The following PLOD1 variants were observed in gnomAD, a reference collection of about 807,000 sequenced individuals.
The protein encoded by PLOD1 is lysine hydroxylase.
A neutral mutation model predicts 94.7 loss-of-function variants in PLOD1; 70 were observed. The ratio of observed to expected loss-of-function variants is 0.74; its 90% CI spans 0.61 to 0.90. PLOD1 has a LOEUF of 0.90. Among genes scored for constraint, PLOD1 ranks in the 40% least tolerant of loss-of-function variants. The pLI is 0.00. For synonymous variants in PLOD1, 417 were observed against 400.2 expected (o/e 1.04, Z -0.50); for missense variants, 905 against 972.7 (o/e 0.93, Z 0.93).
chr1:11,970,908 G>A, intron 17 of PLOD1, 92 bp downstream of exon 17: 4 of 1,104,776 alleles, frequency 3.6e-6, no homozygotes, highest in Non-Finnish European at 5.0e-6. Context: ...GGTGGGAGGT[G>A]GAGAAACTGG....
rs1645615549 is a variant in PLOD1 at position 11,941,547 on chromosome 1, C to T, written c.77-6429C>T. ...CCAGGCTAGAGTGCAATGGCACAATCTGGGCTCATTGCAACCTCTGCCTCC... is the reference window on the plus strand; with the variant it reads ...CCAGGCTAGAGTGCAATGGCACAATTTGGGCTCATTGCAACCTCTGCCTCC... On this transcript the variant is annotated intron_variant, in intron 1 of 18. Transcript: ENST00000196061. Among the ~76,000 whole-genome samples the T allele has an allele frequency of 4.6e-5, 7 of 152,184 alleles. No individual in the cohort carries two copies. In the South Asian group the frequency reaches 1.5e-3, roughly 32 times the overall value.
At chr1:11,945,695 CTTTATTTTTATTTATT>C (rs1171276487) in intron 1 of PLOD1, among the ~76,000 whole-genome samples, 20 of 152,048 alleles carry the variant, frequency 1.3e-4, no homozygotes, top group Admixed American at 1.3e-3. Flanking sequence ...AGTAATACCT[CTTTATTTTTATTTATT>C]TTTATTTTTA....
Position 11,970,815 on chromosome 1 carries a change from G to C in PLOD1, c.1901G>C (p.Arg634Thr), listed in dbSNP as rs1401089372. The C allele has an allele frequency of 1.2e-6, 2 of 1,607,666 alleles. No homozygotes were observed. The highest frequency in any genetic ancestry group is 1.7e-6 in the Non-Finnish European group (2 of 1,178,892). The change falls in exon 17 of 19, where the codon AGG becomes ACG. Residue 634 changes from arginine (R) to threonine (T), a missense_variant and splice_region_variant. Physicochemically the swap from Arg to Thr is moderately conservative, Grantham distance 71. Coordinates refer to ENST00000196061, the MANE Select transcript of PLOD1 (RefSeq NM_000302.4). ...AAGCTCTACCCCGGCTACTACACCA[G>C]GGTGGGCAAGCCTGGGGCATAGCCA... ...TEKLYPGYYT[R>T]AQFDLAFVVR...
In PLOD1 at chr1:11,960,767, C is replaced by T. The variant is rs377080927; in HGVS notation, c.1097C>T (p.Ala366Val). The T allele has an allele frequency of 1.1e-4, 175 of 1,612,846 alleles. No individual in the cohort carries two copies. Among genetic ancestry groups the T allele is most frequent in the Middle Eastern group, 5.4e-4 (3 of 5,560 alleles). Residue 366 changes from alanine to valine, a missense_variant and splice_region_variant, in exon 10 of 19, where the codon GCA (alanine) becomes GTA (valine). Transcript: ENST00000196061. Reference sequence around the variant, plus strand: ...AATGCAGATGCCAGGAACATGGGCGCGTGAGTTGTGGGCCACAGTACTCTC... The same window carrying T: ...AATGCAGATGCCAGGAACATGGGCGTGTGAGTTGTGGGCCACAGTACTCTC... Reference protein sequence around the residue: ...MANADARNMGADLCRQDRSCT... With the variant: ...MANADARNMGVDLCRQDRSCT...
In PLOD1 at chr1:11,957,377, C is replaced by T. The variant is rs191216722; in HGVS notation, c.741+363C>T. On this transcript the variant is annotated intron_variant, in intron 7 of 18. Coordinates refer to ENST00000196061, the MANE Select transcript of PLOD1 (RefSeq NM_000302.4). The surrounding 1 kb of genome is among the most constrained non-coding windows in gnomAD (Gnocchi z 4.1). ...CAGTAAGACATAGTCATAAGCAGGA[C>T]GGATGTCCTGCATTCATGGTGACAG... 5.8e-4 allele frequency among the ~76,000 whole-genome samples: 88 copies of T among 152,248 alleles called. No individual in the cohort carries two copies. The highest frequency in any genetic ancestry group is 5.2e-3 in the Admixed American group (79 of 15,294).
At position 11,944,359 on chromosome 1, in the gene PLOD1, C is replaced by A. The variant is rs113232254; in HGVS notation, c.77-3617C>A. Among the ~76,000 whole-genome samples the A allele has an allele frequency of 8.3e-3, 1,264 of 152,100 alleles. 6 individuals are homozygous for A. The highest frequency in any genetic ancestry group is 0.017 in the South Asian group (83 of 4,808). On this transcript the variant is annotated intron_variant, in intron 1 of 18. Transcript: ENST00000196061. ...GCCACGCCACCCCATCCCCTTCCCC[C>A]ACCCCTGCTGCTGGAGTTCAAGAGC...
intron 16 of PLOD1, 124 bp from the exon 17 acceptor site, chr1:11,970,546 A>T: frequency 5.6e-6 from 5 of 885,148 alleles, no homozygotes; most frequent in Non-Finnish European, 9.2e-6. Context: ...TGTATCTGCA[A>T]AGCCTGTTCA....
Position 11,970,657 on chromosome 1 carries a change from C to G in PLOD1, c.1756-13C>G. ...TAGAATTCTGCCTAAACATTCACCT[C>G]GGTCACCTCCAGGACAACCGCATCC... On this transcript the variant is annotated splice_polypyrimidine_tract_variant and intron_variant, in intron 16 of 18. Coordinates refer to ENST00000196061, the MANE Select transcript of PLOD1 (RefSeq NM_000302.4). The G allele has an allele frequency of 6.2e-7, 1 of 1,612,840 alleles. No individual in the cohort carries two copies. Among genetic ancestry groups the G allele is most frequent in the South Asian group, 1.1e-5 (1 of 91,036 alleles).
At chr1:11,954,435 G>A (rs1004909946) in intron 5 of PLOD1, 24 of 453,198 alleles carry the variant, frequency 5.3e-5, no homozygotes, top group Non-Finnish European at 7.3e-5. Flanking sequence ...GCAGTGAGTC[G>A]AGGTCGTGCC....
chr1:11,966,977 C>A lies in PLOD1; in HGVS notation c.1651-10C>A. ...GTGGACCCCCTTGACTGAGTCCCTG[C>A]CCTCCCCAGCCCTGCCCGGATGTCT... is the stretch of plus-strand genomic sequence containing the variant. On this transcript the variant is annotated splice_polypyrimidine_tract_variant and intron_variant, in intron 15 of 18. Transcript: ENST00000196061. 2 of 1,565,052 alleles carry A rather than the reference C, an allele frequency of 1.3e-6. No individual in the cohort carries two copies. Among genetic ancestry groups the A allele is most frequent in the African/African-American group, 1.3e-5 (1 of 74,084 alleles).
chr1:11,973,131 G>A (rs968266283), intron 18 of PLOD1, 134 bp downstream of exon 18: 6 of 915,048 alleles, frequency 6.6e-6, no homozygotes, highest in African/African-American at 3.3e-5. Flanking sequence ...AAAAGGATGT[G>A]GGTCTGTGGG....
chr1:11,941,731 G>A (rs1444297486), intron 1 of PLOD1, among the ~76,000 whole-genome samples: 4 of 152,134 alleles, frequency 2.6e-5, no homozygotes, highest in East Asian at 1.9e-4. Flanking sequence ...TGATCCGCCC[G>A]CCTAGGCCTC....
At chr1:11,964,915 G>C in intron 13 of PLOD1, 130 bp downstream of exon 13, 1 of 1,027,916 alleles carries the variant, frequency 9.7e-7, no homozygotes, top group Non-Finnish European at 1.5e-6. Flanking sequence ...TTCTAGCAGG[G>C]CATCTCGGAA....
chr1:11,937,857 A>T (rs1222331820), intron 1 of PLOD1, among the ~76,000 whole-genome samples: 1 of 151,412 alleles, frequency 6.6e-6, no homozygotes, highest in Non-Finnish European at 1.5e-5. Flanking sequence ...CCTGGGGCTA[A>T]TGTCAGGCCA....
Position 11,934,797 on chromosome 1 carries a change from A to G in PLOD1, c.18A>G (p.Leu6=), listed in dbSNP as rs1645566114. Residue 6 remains leucine, a synonymous_variant, in exon 1 of 19, where the codon CTA becomes CTG. Transcript: ENST00000196061. MRPLL[L]LALLGWLLLA... is the part of the protein sequence containing the mutation. Reference sequence around the variant, plus strand: ...CCTCGGCCATGCGGCCCCTGCTGCTACTGGCCCTGCTGGGCTGGCTGCTGC... The same window carrying G: ...CCTCGGCCATGCGGCCCCTGCTGCTGCTGGCCCTGCTGGGCTGGCTGCTGC... The G allele has an allele frequency of 2.6e-6, 4 of 1,540,300 alleles. No homozygotes were observed. The highest frequency in any genetic ancestry group is 2.4e-5 in the South Asian group (2 of 83,686).
chr1:11,964,883 G>A (rs996243697), intron 13 of PLOD1, 98 bp downstream of exon 13: 56 of 1,294,964 alleles, frequency 4.3e-5, no homozygotes, highest in African/African-American at 1.4e-4. Flanking sequence ...CCTTGTCACC[G>A]TAGGCCTGGG....
rs1291418897 is a variant in PLOD1 at position 11,963,367 on chromosome 1, A to G, written c.1098-165A>G. Among the ~76,000 whole-genome samples, 1 of 152,188 alleles carries G rather than the reference A, an allele frequency of 6.6e-6. No homozygotes were observed. Among genetic ancestry groups the G allele is most frequent in the Non-Finnish European group, 1.5e-5 (1 of 68,032 alleles). ...CTTGGGTGAGAGAGCCCAGCAGTCC[A>G]GGGGTTTGGGACTCAGAGTCGGGAG... is the stretch of plus-strand genomic sequence containing the variant. On this transcript the variant is annotated intron_variant, in intron 10 of 18. Coordinates refer to ENST00000196061, the MANE Select transcript of PLOD1 (RefSeq NM_000302.4). This position sits in a 1 kb window ranked among gnomAD's most constrained non-coding sequence, Gnocchi z 4.3.
At chr1:11,971,382 C>T (rs1242276782) in intron 17 of PLOD1, among the ~76,000 whole-genome samples, 1 of 150,684 alleles carries the variant, frequency 6.6e-6, no homozygotes, top group Non-Finnish European at 1.5e-5. Flanking sequence ...TGAGGTCTCA[C>T]CGCACACACC....
In PLOD1 at chr1:11,974,827, C is replaced by G. The variant is rs754484912; in HGVS notation, c.*19C>G. 2 of 1,613,734 alleles carry G rather than the reference C, an allele frequency of 1.2e-6. No homozygotes were observed. The highest frequency in any genetic ancestry group is 2.7e-5 in the African/African-American group (2 of 74,934). ...TCCCTAATTGGCCAGGCCTGACCCT[C>G]TTGGACCTTTCTTCTTTGCCGACAA... On this transcript the variant is annotated 3_prime_UTR_variant, in exon 19 of 19. Transcript: ENST00000196061.
Sources: gnomAD v4.1 joint callset for allele counts (sites outside exome capture counted in the v4.1 genomes callset) on GRCh38, gnomAD v4.1.1 for gene constraint, Gnocchi (gnomAD v3.1) non-coding constraint, MANE v1.5 for transcripts, NCBI Gene and HGNC (gene_info 2026-07-23, HGNC 2026-07-21) for gene names.